The following KCNU1 variants were observed in gnomAD, a reference collection of about 807,000 sequenced individuals.
KCNU1 encodes the protein potassium calcium-activated channel subfamily U member 1, also known as potassium channel subfamily U member 1.
KCNU1 carries 93 observed loss-of-function variants against 126.8 expected under a neutral mutation model. That is an observed-to-expected ratio of 0.73 (90% CI 0.62 to 0.87). The LOEUF is 0.87. Ranked by LOEUF, KCNU1 falls within the 40% of genes least tolerant of loss-of-function variation. KCNU1 has a pLI of 0.00. For synonymous variants in KCNU1, 523 were observed against 494.2 expected (o/e 1.06, Z -0.77); for missense variants, 1,330 against 1,367.1 (o/e 0.97, Z 0.43).
intron 19 of KCNU1, among the ~76,000 whole-genome samples, chr8:36,880,121 G>A (rs1265688305): frequency 6.6e-6 from 1 of 152,160 alleles, no homozygotes; most frequent in African/African-American, 2.4e-5. Context: ...ATGCAGGACT[G>A]GATTAGAGGG....
In KCNU1 at chr8:36,817,707, T is replaced by C; in HGVS notation, c.1053T>C (p.Asn351=). The C allele has an allele frequency of 6.2e-7, 1 of 1,612,990 alleles. No individual in the cohort carries two copies. Among genetic ancestry groups the C allele is most frequent in the South Asian group, 1.1e-5 (1 of 91,044 alleles). The change falls in exon 10 of 27, where the codon AAT becomes AAC. Residue 351 remains asparagine, a synonymous_variant. Coordinates refer to ENST00000399881, the MANE Select transcript of KCNU1 (RefSeq NM_001031836.3). ...ACAGTGTGACCGCTTTCCTGAGGAA[T>C]TTCCTCCGCGACAAGTCAGGAGAGA... ...TVDSVTAFLR[N]FLRDKSGEIN...
In KCNU1 at chr8:36,840,972, G is replaced by A. The variant is rs770831578; in HGVS notation, c.1672G>A (p.Glu558Lys). 7 of 1,610,408 alleles carry A rather than the reference G, an allele frequency of 4.3e-6. No homozygotes were observed. The Admixed American group carries it at 5.0e-5, about 12-fold the overall frequency. ...GATGCACCTCCTGTTGATAGCCATC[G>A]AATACAAGTCCCTCTTTACGGATGG... ...LKMHLLLIAI[E>K]YKSLFTDGFC... Residue 558 changes from glutamate to lysine, a missense_variant, in exon 16 of 27, where the codon GAA becomes AAA. Physicochemically the swap from Glu to Lys is moderately conservative, Grantham distance 56 (BLOSUM62 1). Coordinates refer to ENST00000399881, the MANE Select transcript of KCNU1 (RefSeq NM_001031836.3).
chr8:36,885,539 G>A (rs1015601031), intron 19 of KCNU1, among the ~76,000 whole-genome samples: 1 of 151,972 alleles, frequency 6.6e-6, no homozygotes, highest in African/African-American at 2.4e-5. Context: ...GGGCAACAGA[G>A]CAAAACTCTG....
chr8:36,909,481 T>G lies in KCNU1; in HGVS notation c.2277T>G (p.Tyr759Ter). ...TAGTGTTCATTGGGTCTCTGGACTATCTACAGAGAGAATGGCGATTTCTCT... is the reference window on the plus strand; with the variant it reads ...TAGTGTTCATTGGGTCTCTGGACTAGCTACAGAGAGAATGGCGATTTCTCT... Reference protein sequence around the residue: ...KDIVFIGSLDYLQREWRFLWN... With the variant: ...KDIVFIGSLD The change falls in exon 21 of 27, where the codon TAT becomes TAG. Residue 759 changes from tyrosine to a stop codon, truncating the protein, a stop_gained. Transcript: ENST00000399881. LOFTEE classifies it high-confidence loss of function. 3 of 1,613,200 alleles carry G rather than the reference T, an allele frequency of 1.9e-6. No homozygotes were observed. The highest frequency in any genetic ancestry group is 2.5e-6 in the Non-Finnish European group (3 of 1,179,198).
At chr8:36,815,175 A>G (rs543666594) in intron 8 of KCNU1, among the ~76,000 whole-genome samples, 4 of 152,112 alleles carry the variant, frequency 2.6e-5, no homozygotes, top group African/African-American at 9.7e-5. Flanking sequence ...TACTAAAAAT[A>G]TAAAAATCAG....
chr8:36,914,305 T>C (rs962425699), intron 22 of KCNU1, among the ~76,000 whole-genome samples: 7 of 152,224 alleles, frequency 4.6e-5, no homozygotes, highest in Non-Finnish European at 1.0e-4. Context: ...CACCTTATGA[T>C]GGCTGGAGGC....
In KCNU1 at chr8:36,808,933, G is replaced by T. The variant is rs1161365336; in HGVS notation, c.732+140G>T. ...TGTGTCTTTCTACTTCCCATTTTCA[G>T]GTTTTCTTTACCCTCATATTCTCAC... On this transcript the variant is annotated intron_variant, in intron 7 of 26. Coordinates refer to ENST00000399881, the MANE Select transcript of KCNU1 (RefSeq NM_001031836.3). 9 of 615,064 alleles carry T rather than the reference G, an allele frequency of 1.5e-5. No individual in the cohort carries two copies. The East Asian group carries it at 2.2e-4, about 15-fold the overall frequency. The allele number at this position is 615,064 out of a possible 1,614,324, so 38.1% of individuals were successfully genotyped here. A position where few individuals can be genotyped will look rare whatever the true frequency, so the allele number is the denominator to read the frequency against.
In KCNU1 at chr8:36,850,379, C is replaced by A. The variant is rs1484943322; in HGVS notation, c.1891+4480C>A. On this transcript the variant is annotated intron_variant, in intron 18 of 26. Coordinates refer to ENST00000399881, the MANE Select transcript of KCNU1 (RefSeq NM_001031836.3). Reference sequence around the variant, plus strand: ...GTGCAATATCTAAGAAGGTTTTGATCAATCTAAGGTCACCAAGATTTACCC... The same window carrying A: ...GTGCAATATCTAAGAAGGTTTTGATAAATCTAAGGTCACCAAGATTTACCC... Among the ~76,000 whole-genome samples, 4 of 151,504 alleles carry A rather than the reference C, an allele frequency of 2.6e-5. No individual in the cohort carries two copies. The East Asian group carries it at 7.7e-4, about 29-fold the overall frequency.
intron 18 of KCNU1, among the ~76,000 whole-genome samples, chr8:36,854,864 C>G (rs942161743): frequency 2.0e-5 from 3 of 152,102 alleles, no homozygotes; most frequent in Admixed American, 6.6e-5. Flanking sequence ...ATCAGATTCT[C>G]CAGTAGACTT....
At chr8:36,914,526 A>T (rs774358534) in intron 22 of KCNU1, among the ~76,000 whole-genome samples, 3 of 152,172 alleles carry the variant, frequency 2.0e-5, no homozygotes, top group Non-Finnish European at 4.4e-5. Flanking sequence ...GATAAACATA[A>T]ATGCGAAGCC....
intron 19 of KCNU1, among the ~76,000 whole-genome samples, chr8:36,872,711 G>A (rs1476199142): frequency 6.6e-6 from 1 of 152,164 alleles, no homozygotes; most frequent in Non-Finnish European, 1.5e-5. Flanking sequence ...TGAAGTCAAG[G>A]TCTGGAGAGT....
chr8:36,900,544 A>G (rs1807374600), intron 19 of KCNU1, among the ~76,000 whole-genome samples: 1 of 152,072 alleles, frequency 6.6e-6, no homozygotes, highest in Non-Finnish European at 1.5e-5. Flanking sequence ...CTGATTATGT[A>G]ACCTGCCCTT....
chr8:36,845,737 C>T, intron 17 of KCNU1, 65 bp from the exon 18 acceptor site: 1 of 1,437,168 alleles, frequency 7.0e-7, no homozygotes, highest in Non-Finnish European at 9.8e-7. Context: ...CCCACTGAGT[C>T]AGCACCATGC....
intron 19 of KCNU1, chr8:36,889,070 G>C: frequency 3.8e-6 from 2 of 523,626 alleles, no homozygotes; most frequent in Non-Finnish European, 7.8e-6. Flanking sequence ...GTAGAGACAG[G>C]GTTTCACCAT....
chr8:36,881,849 A>G (rs1266492345), intron 19 of KCNU1, among the ~76,000 whole-genome samples: 1 of 141,988 alleles, frequency 7.0e-6, no homozygotes, highest in African/African-American at 2.6e-5. Context: ...CACACATTCA[A>G]GTTTACTGGC....
chr8:36,888,474 C>A, intron 19 of KCNU1: 1 of 490,846 alleles, frequency 2.0e-6, no homozygotes, highest in East Asian at 5.7e-5. Context: ...CCCTTCAGCC[C>A]CATCACGATT....
Position 36,936,051 on chromosome 8 carries a change from G to T in KCNU1, c.*131G>T. ...GCCCATTGCTTAGTGGTTCATGAAG[G>T]CCACACTGTTTTGGGTGAGACAAAA... On this transcript the variant is annotated 3_prime_UTR_variant, in exon 27 of 27. Transcript: ENST00000399881. 2 of 754,126 alleles carry T rather than the reference G, an allele frequency of 2.7e-6. No homozygotes were observed. Among genetic ancestry groups the T allele is most frequent in the Non-Finnish European group, 4.1e-6 (2 of 482,630 alleles). 46.7% of individuals were successfully genotyped at this position (754,126 alleles called of 1,614,324 possible).
intron 19 of KCNU1, among the ~76,000 whole-genome samples, chr8:36,898,628 G>A (rs776754736): frequency 3.9e-5 from 6 of 152,012 alleles, no homozygotes; most frequent in Non-Finnish European, 8.8e-5. Context: ...TCAGTAATGC[G>A]TTTTAGGATT....
At chr8:36,887,112 G>T (rs1806735564) in intron 19 of KCNU1, among the ~76,000 whole-genome samples, 1 of 152,070 alleles carries the variant, frequency 6.6e-6, no homozygotes, top group African/African-American at 2.4e-5. Flanking sequence ...AAACATATGT[G>T]TGCAGGGGTC....
Sources: allele counts gnomAD v4.1 joint callset (sites outside exome capture counted in the v4.1 genomes callset), GRCh38; gene constraint gnomAD v4.1.1; transcripts MANE v1.5; gene names NCBI Gene and HGNC (gene_info 2026-07-23, HGNC 2026-07-21).